RPSA2: variants seen among roughly 807,000 people sequenced by gnomAD.
RPSA2 encodes small ribosomal subunit protein uS2B.
chr19:23,775,145 C>T, the RPSA2 span, among the ~76,000 whole-genome samples: 3 of 152,180 alleles, frequency 2.0e-5, no homozygotes, highest in African/African-American at 4.8e-5. Flanking sequence ...AGAGAGTGTC[C>T]TAACAGGTTG....
the RPSA2 span, among the ~76,000 whole-genome samples, chr19:23,771,801 G>C: frequency 0.98 from 148,995 of 152,320 alleles, 72,963 homozygotes; most frequent in Middle Eastern, 1. Context: ...CCTGGTTTCT[G>C]TTGTACATTG....
the RPSA2 span, among the ~76,000 whole-genome samples, chr19:23,824,691 G>A: frequency 6.8e-6 from 1 of 148,108 alleles, no homozygotes; most frequent in Non-Finnish European, 1.5e-5. Context: ...GAGCCATGGT[G>A]CCTGGTCACC....
At chr19:23,788,563 C>G in the RPSA2 span, among the ~76,000 whole-genome samples, 1 of 152,054 alleles carries the variant, frequency 6.6e-6, no homozygotes, top group Non-Finnish European at 1.5e-5. Flanking sequence ...TCTACGTAAG[C>G]CCTGACCACA....
At chr19:23,766,922 C>A in the RPSA2 span, among the ~76,000 whole-genome samples, 6 of 151,934 alleles carry the variant, frequency 3.9e-5, no homozygotes, top group South Asian at 1.3e-3. Context: ...TCAAGGCCGG[C>A]TAATTTTTTG....
the RPSA2 span, among the ~76,000 whole-genome samples, chr19:23,783,033 C>A: frequency 6.6e-6 from 1 of 152,002 alleles, no homozygotes; most frequent in Non-Finnish European, 1.5e-5. Context: ...GCGTCCATCA[C>A]CTACATGGTG....
chr19:23,856,927 T>A, the RPSA2 span, among the ~76,000 whole-genome samples: 148,905 of 152,234 alleles, frequency 0.98, 72,917 homozygotes, highest in Middle Eastern at 1. Context: ...TATTGTCTTG[T>A]TAAACATCTT....
chr19:23,842,341 A>G, the RPSA2 span, among the ~76,000 whole-genome samples: 1 of 152,202 alleles, frequency 6.6e-6, no homozygotes, highest in African/African-American at 2.4e-5. Flanking sequence ...TAGTAATTAC[A>G]CTGGTTTTTT....
At chr19:23,835,215 A>G in the RPSA2 span, among the ~76,000 whole-genome samples, 3 of 6,394 alleles carry the variant, frequency 4.7e-4, no homozygotes, top group Admixed American at 8.7e-3. Context: ...AAATTTTAAT[A>G]TATTTTTCTT....
the RPSA2 span, among the ~76,000 whole-genome samples, chr19:23,761,922 T>TCCTTCCTTCCTTCC: frequency 1.7e-3 from 172 of 98,980 alleles, 4 homozygotes; most frequent in Admixed American, 2.3e-3. Flanking sequence ...CTTTCTTTCT[T>TCCTTCCTTCCTTCC]TTTTTTTTTT....
At chr19:23,782,569 G>C in the RPSA2 span, 1 of 152,182 alleles carries the variant, frequency 6.6e-6, no homozygotes, top group African/African-American at 2.4e-5. Context: ...AGAATAGAGA[G>C]TGACTTATTG....
chr19:23,820,239 G>A, the RPSA2 span, among the ~76,000 whole-genome samples: 1 of 152,204 alleles, frequency 6.6e-6, no homozygotes, highest in Admixed American at 6.5e-5. Context: ...TGTGATGGCA[G>A]TGAGCCGTGG....
the RPSA2 span, among the ~76,000 whole-genome samples, chr19:23,760,522 C>T: frequency 4.6e-5 from 7 of 151,912 alleles, no homozygotes; most frequent in South Asian, 1.5e-3. Flanking sequence ...GTTGTGGTTT[C>T]AGTGTGGGAG....
At chr19:23,830,206 A>G in the RPSA2 span, among the ~76,000 whole-genome samples, 7 of 152,162 alleles carry the variant, frequency 4.6e-5, no homozygotes, top group Non-Finnish European at 1.0e-4. Flanking sequence ...GCATAGTGGT[A>G]TGACTTCAAC....
At chr19:23,814,583 A>G in the RPSA2 span, among the ~76,000 whole-genome samples, 7 of 152,198 alleles carry the variant, frequency 4.6e-5, no homozygotes, top group African/African-American at 1.7e-4. Flanking sequence ...AAATTTTAAC[A>G]TTTTAAACAA....
At chr19:23,780,425 C>A in the RPSA2 span, among the ~76,000 whole-genome samples, 50 of 152,186 alleles carry the variant, frequency 3.3e-4, no homozygotes, top group Admixed American at 2.9e-3. Context: ...GGGCGGATCA[C>A]AAGGTCAGGA....
the RPSA2 span, among the ~76,000 whole-genome samples, chr19:23,844,840 T>A: frequency 6.6e-6 from 1 of 151,616 alleles, no homozygotes; most frequent in African/African-American, 2.4e-5. Flanking sequence ...CAGGAGGATT[T>A]GGTAGAATTT....
chr19:23,848,391 C>G, the RPSA2 span, among the ~76,000 whole-genome samples: 1 of 152,088 alleles, frequency 6.6e-6, no homozygotes, highest in Non-Finnish European at 1.5e-5. Flanking sequence ...AAAAACAAGC[C>G]GATTAAACAG....
the RPSA2 span, among the ~76,000 whole-genome samples, chr19:23,834,800 G>A: frequency 0.12 from 17,617 of 151,988 alleles, 1,089 homozygotes; most frequent in East Asian, 0.22. Flanking sequence ...TACATTATTT[G>A]GTAAGATAAT....
chr19:23,779,190 C>T, the RPSA2 span, among the ~76,000 whole-genome samples: 10 of 151,528 alleles, frequency 6.6e-5, no homozygotes, highest in South Asian at 2.1e-4. Context: ...TTAGTAGAGG[C>T]GGGGTTTCAC....
Sources: allele counts gnomAD v4.1 joint callset (sites outside exome capture counted in the v4.1 genomes callset), GRCh38; gene constraint gnomAD v4.1.1; transcripts MANE v1.5; gene names NCBI Gene and HGNC (gene_info 2026-07-23, HGNC 2026-07-21).